PPARGC1A: variants seen among roughly 807,000 people sequenced by gnomAD.
PPARGC1A encodes the protein PPARG coactivator 1 alpha.
In PPARGC1A, 25 loss-of-function variants were observed where a neutral mutation model predicts 88.7. That is an observed-to-expected ratio of 0.28 (90% CI 0.21 to 0.39). The LOEUF (loss-of-function observed/expected upper bound fraction) is 0.39. PPARGC1A is among the 10% of genes least tolerant of loss of function. PPARGC1A has a pLI of 1.00. For missense variants in PPARGC1A, 880 were observed against 968.7 expected (o/e 0.91, Z 1.22); for synonymous variants, 363 against 355.6 (o/e 1.02, Z -0.24).
chr4:24,198,107 G>A, the PPARGC1A span, among the ~76,000 whole-genome samples: 8 of 152,166 alleles, frequency 5.3e-5, no homozygotes, highest in African/African-American at 1.9e-4. Context: ...ACTTTTGAAA[G>A]CAACTAGCTT....
chr4:24,160,459 G>C, the PPARGC1A span, among the ~76,000 whole-genome samples: 6 of 152,170 alleles, frequency 3.9e-5, no homozygotes, highest in Non-Finnish European at 7.3e-5. Flanking sequence ...ATTCTGAATA[G>C]AGCATCAAGC....
the PPARGC1A span, among the ~76,000 whole-genome samples, chr4:24,015,343 T>C: frequency 6.6e-6 from 1 of 152,132 alleles, no homozygotes; most frequent in African/African-American, 2.4e-5. Context: ...AATCACCCTG[T>C]TGCTGGGGTA....
the PPARGC1A span, among the ~76,000 whole-genome samples, chr4:24,403,477 T>C: frequency 5.3e-5 from 8 of 152,340 alleles, no homozygotes; most frequent in East Asian, 1.9e-4. Context: ...AGATTTAGAA[T>C]TGCAGAATTG....
the PPARGC1A span, among the ~76,000 whole-genome samples, chr4:24,156,966 C>T: frequency 1.1e-3 from 161 of 152,242 alleles, no homozygotes; most frequent in Non-Finnish European, 1.8e-3. Context: ...ATCCACAGTT[C>T]CCATCCCTTC....
chr4:24,255,795 T>G, the PPARGC1A span, among the ~76,000 whole-genome samples: 1 of 152,246 alleles, frequency 6.6e-6, no homozygotes, highest in African/African-American at 2.4e-5. Context: ...TTTTGCAAAC[T>G]TTAAGCTATC....
At chr4:23,890,413 G>T (rs1202694099), upstream of PPARGC1A, among the ~76,000 whole-genome samples, 2 of 151,858 alleles carry the variant, frequency 1.3e-5, no homozygotes, top group Non-Finnish European at 2.9e-5. Flanking sequence ...CAAGCAAGTG[G>T]CAAAGCTCCC....
chr4:23,966,639 A>G, the PPARGC1A span, among the ~76,000 whole-genome samples: 1 of 152,320 alleles, frequency 6.6e-6, no homozygotes, highest in East Asian at 1.9e-4. Flanking sequence ...CCAACATTTA[A>G]AATGGGTATC....
chr4:24,311,392 T>C, the PPARGC1A span, among the ~76,000 whole-genome samples: 1 of 144,276 alleles, frequency 6.9e-6, no homozygotes, highest in Non-Finnish European at 1.5e-5. Flanking sequence ...TGAGCCACCA[T>C]GCCCGGTCTT....
the PPARGC1A span, among the ~76,000 whole-genome samples, chr4:24,446,847 G>A: frequency 2.6e-5 from 4 of 152,014 alleles, no homozygotes; most frequent in African/African-American, 4.8e-5. Flanking sequence ...TGATCCACCC[G>A]CCTCGGCCTC....
chr4:23,905,828 T>C (rs192426320), upstream of PPARGC1A, among the ~76,000 whole-genome samples: 202 of 152,308 alleles, frequency 1.3e-3, 1 homozygote, highest in African/African-American at 4.7e-3. Context: ...CATCAAACAT[T>C]TTGTTCTTAA....
intron 2 of PPARGC1A, among the ~76,000 whole-genome samples, chr4:23,832,903 C>G (rs1289107327): frequency 7.1e-6 from 1 of 140,946 alleles, no homozygotes; most frequent in African/African-American, 2.5e-5. Flanking sequence ...AGCTACTGCG[C>G]CCGGCCCCAG....
At chr4:23,806,984 C>G (rs946879210) in intron 10 of PPARGC1A, among the ~76,000 whole-genome samples, 1 of 152,128 alleles carries the variant, frequency 6.6e-6, no homozygotes, top group Non-Finnish European at 1.5e-5. Context: ...CAAGGAAGAG[C>G]TTGATATAAT....
chr4:23,821,591 A>T (rs577075567), intron 7 of PPARGC1A, among the ~76,000 whole-genome samples: 1 of 152,238 alleles, frequency 6.6e-6, no homozygotes, highest in East Asian at 1.9e-4. Context: ...AGTTGGAAAG[A>T]TAAGAAGTAA....
At chr4:24,023,330 T>C in the PPARGC1A span, among the ~76,000 whole-genome samples, 61 of 152,148 alleles carry the variant, frequency 4.0e-4, 1 homozygote, top group Admixed American at 4.0e-3. Context: ...AAAAGTTTAA[T>C]ATCTCACATA....
At chr4:24,270,180 C>A in the PPARGC1A span, among the ~76,000 whole-genome samples, 1 of 152,128 alleles carries the variant, frequency 6.6e-6, no homozygotes, top group African/African-American at 2.4e-5. Context: ...CTATCTTGAT[C>A]CCTCTGCGTT....
the PPARGC1A span, among the ~76,000 whole-genome samples, chr4:24,019,264 C>T: frequency 6.6e-6 from 1 of 152,050 alleles, no homozygotes; most frequent in African/African-American, 2.4e-5. Context: ...AAAACAGCAC[C>T]AGCAATAATA....
intron 1 of PPARGC1A, among the ~76,000 whole-genome samples, chr4:23,886,677 A>G (rs1716948196): frequency 6.6e-6 from 1 of 152,128 alleles, no homozygotes. Context: ...TCGTTCTGGT[A>G]CAATGCTCAT....
chr4:24,018,146 T>C, the PPARGC1A span, among the ~76,000 whole-genome samples: 5 of 152,196 alleles, frequency 3.3e-5, no homozygotes, highest in South Asian at 1.0e-3. Context: ...TGAATATAAA[T>C]AGATATTTAT....
At chr4:24,224,761 G>C in the PPARGC1A span, among the ~76,000 whole-genome samples, 1 of 152,162 alleles carries the variant, frequency 6.6e-6, no homozygotes, top group African/African-American at 2.4e-5. Flanking sequence ...CATGATGCAA[G>C]CCATGGAGAA....
Sources: allele counts gnomAD v4.1 joint callset (sites outside exome capture counted in the v4.1 genomes callset), GRCh38; gene constraint gnomAD v4.1.1; transcripts MANE v1.5; gene names NCBI Gene and HGNC (gene_info 2026-07-23, HGNC 2026-07-21).